The following POLR3B variants were observed in gnomAD, a reference collection of about 807,000 sequenced individuals.
POLR3B encodes RNA polymerase III subunit B.
A neutral mutation model predicts 147.4 loss-of-function variants in POLR3B; 96 were observed. The ratio of observed to expected loss-of-function variants is 0.65; its 90% CI spans 0.55 to 0.77. The LOEUF (loss-of-function observed/expected upper bound fraction) is 0.77. POLR3B is among the 30% of genes least tolerant of loss of function. POLR3B has a pLI of 0.00. For synonymous variants in POLR3B, 461 were observed against 485.9 expected, an observed-to-expected ratio of 0.95 and a Z score of 0.67; for missense variants, 1,036 against 1,413.5, an observed-to-expected ratio of 0.73 and a Z score of 4.28.
rs112151781 is a variant in POLR3B at position 106,359,251 on chromosome 12, G to A, written c.72+1300G>A. ...AAACCTCTTTATAATAGTTTGACAA[G>A]TTAAGGAAGTTGAATTAGCAGTTCC... On this transcript the variant is annotated intron_variant, in intron 1 of 27. Coordinates refer to ENST00000228347, the MANE Select transcript of POLR3B (RefSeq NM_018082.6). 1.8e-4 allele frequency among the ~76,000 whole-genome samples: 27 copies of A among 151,730 alleles called. 1 individual carries two copies. The highest frequency in any genetic ancestry group is 6.3e-4 in the African/African-American group (26 of 41,392).
intron 9 of POLR3B, chr12:106,382,028 A>C (rs1327440059): frequency 6.6e-6 from 1 of 152,244 alleles, no homozygotes; most frequent in Non-Finnish European, 1.5e-5. Context: ...TCTCATCACC[A>C]TCTTGGTTTT....
In POLR3B at chr12:106,478,196, C is replaced by T. The variant is rs185656576; in HGVS notation, c.2713+14576C>T. ...TGCTGGGATTACAGACGTGAGCCAC[C>T]ATGCCCGGCCAAAGCAGTGCTTTTA... On this transcript the variant is annotated intron_variant, in intron 23 of 27. Transcript: ENST00000228347. Among the ~76,000 whole-genome samples the T allele has an allele frequency of 7.4e-3, 1,130 of 152,172 alleles. 8 individuals are homozygous for T. The highest frequency in any genetic ancestry group is 0.014 in the Middle Eastern group (4 of 294).
chr12:106,381,071 A>C (rs2036756666), intron 9 of POLR3B, among the ~76,000 whole-genome samples: 2 of 152,244 alleles, frequency 1.3e-5, no homozygotes, highest in African/African-American at 4.8e-5. Flanking sequence ...CAATTATCTG[A>C]GTCATAATCT....
At chr12:106,380,195 C>A in intron 9 of POLR3B, 56 bp downstream of exon 9, 1 of 979,556 alleles carries the variant, frequency 1.0e-6, no homozygotes, top group East Asian at 2.4e-5. Context: ...GGTTTATTTA[C>A]ATATGTAATT....
intron 7 of POLR3B, 151 bp downstream of exon 7, chr12:106,376,601 T>A (rs1378666364): frequency 2.9e-6 from 2 of 694,758 alleles, no homozygotes; most frequent in African/African-American, 3.6e-5. Context: ...TCTCTAGCTT[T>A]ATGCTACTAG....
At chr12:106,410,506 G>A in intron 11 of POLR3B, 1 of 335,170 alleles carries the variant, frequency 3.0e-6, no homozygotes, top group South Asian at 3.0e-5. Flanking sequence ...TATTCTCTTG[G>A]TTAAATTAAT....
chr12:106,438,440 T>C (rs867992596), intron 18 of POLR3B, among the ~76,000 whole-genome samples: 1 of 151,928 alleles, frequency 6.6e-6, no homozygotes, highest in African/African-American at 2.4e-5. Flanking sequence ...TAGAAAGATA[T>C]ATCCATATAT....
At chr12:106,380,956 A>G (rs2036754517) in intron 9 of POLR3B, among the ~76,000 whole-genome samples, 1 of 152,252 alleles carries the variant, frequency 6.6e-6, no homozygotes, top group African/African-American at 2.4e-5. Flanking sequence ...AGTGCATACA[A>G]AAGTTATATG....
rs114214063 is a variant in POLR3B at position 106,504,441 on chromosome 12, G to A, written c.3272+187G>A. Among the ~76,000 whole-genome samples, 871 of 152,240 alleles carry A rather than the reference G, an allele frequency of 5.7e-3. 8 individuals carry two copies. Among genetic ancestry groups the A allele is most frequent in the African/African-American group, 0.02 (816 of 41,540 alleles). ...TACATGTCTCATTTGTCTACATCAT[G>A]ATCTACTTCCTACACAACTAGAGGC... On this transcript the variant is annotated intron_variant, in intron 27 of 27. Coordinates refer to ENST00000228347, the MANE Select transcript of POLR3B (RefSeq NM_018082.6). This position sits in a 1 kb window ranked among gnomAD's most constrained non-coding sequence, Gnocchi z 4.6.
At chr12:106,372,333 G>GTT (rs61642813) in intron 6 of POLR3B, among the ~76,000 whole-genome samples, 168 of 125,862 alleles carry the variant, frequency 1.3e-3, no homozygotes, top group Non-Finnish European at 2.1e-3. Flanking sequence ...GTGTGTGTGT[G>GTT]TTTTTTTTTT....
intron 12 of POLR3B, among the ~76,000 whole-genome samples, chr12:106,419,133 T>G (rs2037342542): frequency 6.6e-6 from 1 of 152,218 alleles, no homozygotes; most frequent in Admixed American, 6.5e-5. Flanking sequence ...GTTGCTGGAA[T>G]AGGCTTCTTC....
chr12:106,448,847 T>C (rs761895177), intron 19 of POLR3B, among the ~76,000 whole-genome samples: 2 of 152,154 alleles, frequency 1.3e-5, no homozygotes, highest in South Asian at 4.1e-4. Flanking sequence ...ATAAAAGGTT[T>C]TCTATGTCTT....
At chr12:106,386,952 T>A (rs2036848121) in intron 9 of POLR3B, among the ~76,000 whole-genome samples, 2 of 152,148 alleles carry the variant, frequency 1.3e-5, no homozygotes, top group Non-Finnish European at 2.9e-5. Flanking sequence ...TGTTTAATGT[T>A]TATATTGTAC....
intron 12 of POLR3B, among the ~76,000 whole-genome samples, chr12:106,416,981 C>G (rs1289461085): frequency 6.6e-6 from 1 of 152,098 alleles, no homozygotes; most frequent in Admixed American, 6.6e-5. Flanking sequence ...TCTTTTGAGC[C>G]CTCTCTGAAA....
chr12:106,379,902 A>G (rs1265812873), intron 8 of POLR3B, 129 bp from the exon 9 acceptor site: 9 of 692,074 alleles, frequency 1.3e-5, no homozygotes, highest in South Asian at 1.2e-4. Flanking sequence ...TAAAGTACTT[A>G]TTAGAAAGGA....
rs34915594 is a variant in POLR3B, at chr12:106,477,891, C to CTTTTTTTTTTTT, written c.2713+14290_2713+14301dup. 7.1e-5 allele frequency among the ~76,000 whole-genome samples: 5 copies of CTTTTTTTTTTTT among 70,478 alleles called. 1 individual carries two copies. The East Asian group carries it at 3.0e-3, about 43-fold the overall frequency. The allele number at this position is 70,478 out of a possible 152,430, so 46.2% of individuals were successfully genotyped here. ...CTATTCGGCCATCTTGGCTCCTCCCCTTTTTTTTTTTTTTTTTTTTTTTTT... is the reference window on the plus strand; with the variant it reads ...CTATTCGGCCATCTTGGCTCCTCCCCTTTTTTTTTTTTTTTTTTTTTTTTTTTTTTTTTTTTT... On this transcript the variant is annotated intron_variant, in intron 23 of 27. Transcript: ENST00000228347.
intron 12 of POLR3B, among the ~76,000 whole-genome samples, chr12:106,423,402 T>C (rs550221973): frequency 6.6e-6 from 1 of 152,312 alleles, no homozygotes; most frequent in East Asian, 1.9e-4. Context: ...ATTATGGGAA[T>C]AGGCACATGT....
chr12:106,496,023 C>T (rs758490492), intron 23 of POLR3B, 32 bp from the exon 24 acceptor site: 14 of 1,289,904 alleles, frequency 1.1e-5, no homozygotes, highest in Admixed American at 5.0e-5. Context: ...TGCCAACTTG[C>T]TTTATGTGGC....
intron 12 of POLR3B, among the ~76,000 whole-genome samples, chr12:106,415,960 T>C (rs1396125855): frequency 1.3e-5 from 2 of 152,150 alleles, no homozygotes; most frequent in Non-Finnish European, 1.5e-5. Flanking sequence ...ACAAATATCT[T>C]TATTAACTGG....
Sources: gnomAD v4.1 joint callset for allele counts (sites outside exome capture counted in the v4.1 genomes callset) on GRCh38, gnomAD v4.1.1 for gene constraint, Gnocchi (gnomAD v3.1) non-coding constraint, MANE v1.5 for transcripts, NCBI Gene and HGNC (gene_info 2026-07-23, HGNC 2026-07-21) for gene names.